The following B3GALT1 variants were observed in gnomAD, a reference collection of about 807,000 sequenced individuals.
The protein encoded by B3GALT1 is UDP-Gal:betaGlcNAc beta 1,3-galactosyltransferase, polypeptide 1.
Under a neutral mutation model 23.2 loss-of-function variants are expected in B3GALT1, and 10 were observed. The observed-to-expected ratio is 0.43, with a 90% confidence interval of 0.27 to 0.73. B3GALT1 has a LOEUF of 0.73. Ranked by LOEUF, B3GALT1 falls within the 30% of genes least tolerant of loss-of-function variation. B3GALT1 has a pLI of 0.21. For missense variants in B3GALT1, 299 were observed against 405.4 expected, an observed-to-expected ratio of 0.74 and a Z score of 2.25; for synonymous variants, 156 against 141.5, an observed-to-expected ratio of 1.10 and a Z score of -0.73.
chr2:167,312,443 C>T (rs1696645926), intron 1 of B3GALT1, among the ~76,000 whole-genome samples: 1 of 151,788 alleles, frequency 6.6e-6, no homozygotes, highest in Non-Finnish European at 1.5e-5. Flanking sequence ...TAGAGTAAAT[C>T]TAAGGGAGCA....
chr2:167,615,774 C>T (rs551107021), intron 2 of B3GALT1, among the ~76,000 whole-genome samples: 1 of 152,152 alleles, frequency 6.6e-6, no homozygotes, highest in East Asian at 1.9e-4. Context: ...TCATGCACTA[C>T]TCTAAGTGCT....
At chr2:167,771,930 A>G (rs779608581) in intron 3 of B3GALT1, among the ~76,000 whole-genome samples, 2 of 152,206 alleles carry the variant, frequency 1.3e-5, no homozygotes, top group African/African-American at 2.4e-5. Flanking sequence ...CAATAATGAA[A>G]TACAGACTGG....
intron 1 of B3GALT1, among the ~76,000 whole-genome samples, chr2:167,458,243 AGCAAAATGTTCTCAACTT>A (rs1282977718): frequency 2.0e-5 from 3 of 152,232 alleles, no homozygotes; most frequent in Non-Finnish European, 4.4e-5. Flanking sequence ...TATTTCATTT[AGCAAAATGTTCTCAACTT>A]TCATCTGTGT....
chr2:167,488,375 AAT>A (rs1260979341), intron 1 of B3GALT1, among the ~76,000 whole-genome samples: 1 of 152,226 alleles, frequency 6.6e-6, no homozygotes, highest in African/African-American at 2.4e-5. Context: ...TGTCTGTGAG[AAT>A]AAGGGCTGTG....
At chr2:167,718,301 C>G (rs1687182986) in intron 3 of B3GALT1, among the ~76,000 whole-genome samples, 1 of 151,978 alleles carries the variant, frequency 6.6e-6, no homozygotes, top group Non-Finnish European at 1.5e-5. Flanking sequence ...AAAAAATCCC[C>G]AATTTCAAAC....
chr2:167,614,005 G>A (rs1203272446), intron 2 of B3GALT1, among the ~76,000 whole-genome samples: 3 of 151,442 alleles, frequency 2.0e-5, no homozygotes, highest in Admixed American at 6.6e-5. Flanking sequence ...AAGCTTCCAT[G>A]AACACTACTC....
Position 167,385,624 on chromosome 2 carries a change from G to A in B3GALT1, c.-511+92290G>A, listed in dbSNP as rs116714102. The stretch of plus-strand genomic sequence containing the variant: ...ATAACTTGCTGATCAGGCAGCTGAG[G>A]GGCAGAGGGTTTATGGAAGCTTCCA... On this transcript the variant is annotated intron_variant, in intron 1 of 4. Transcript: ENST00000392690. Among the ~76,000 whole-genome samples, 320 of 152,262 alleles carry A rather than the reference G, an allele frequency of 2.1e-3. 2 individuals carry two copies. Among genetic ancestry groups the A allele is most frequent in the Non-Finnish European group, 3.0e-3 (206 of 68,014 alleles).
chr2:167,705,340 T>G (rs567681400), intron 3 of B3GALT1, among the ~76,000 whole-genome samples: 2 of 152,256 alleles, frequency 1.3e-5, no homozygotes, highest in South Asian at 4.1e-4. Context: ...TGAAGAACTC[T>G]TCTTTTGCAT....
At chr2:167,694,799 C>CA (rs557886193) in intron 3 of B3GALT1, among the ~76,000 whole-genome samples, 19 of 152,168 alleles carry the variant, frequency 1.2e-4, no homozygotes, top group African/African-American at 4.1e-4. Context: ...GTGGTAATGG[C>CA]AAAAAAATTT....
chr2:167,464,602 G>T (rs1351017048), intron 1 of B3GALT1, among the ~76,000 whole-genome samples: 1 of 152,086 alleles, frequency 6.6e-6, no homozygotes, highest in African/African-American at 2.4e-5. Flanking sequence ...GATCATAGGG[G>T]GTTGATGTGA....
chr2:167,813,910 G>T (rs1688939903), intron 3 of B3GALT1, among the ~76,000 whole-genome samples: 1 of 152,148 alleles, frequency 6.6e-6, no homozygotes, highest in Non-Finnish European at 1.5e-5. Flanking sequence ...AAAATAGCTG[G>T]AGTGATTTTA....
intron 1 of B3GALT1, among the ~76,000 whole-genome samples, chr2:167,330,016 C>G (rs1360269055): frequency 6.6e-6 from 1 of 152,040 alleles, no homozygotes; most frequent in East Asian, 1.9e-4. Context: ...TGCCTTGTAT[C>G]TGTTTGGACA....
intron 1 of B3GALT1, among the ~76,000 whole-genome samples, chr2:167,370,474 T>C (rs942650449): frequency 5.3e-5 from 8 of 152,196 alleles, no homozygotes; most frequent in African/African-American, 1.9e-4. Context: ...TGATACAGCC[T>C]TGCCCTCCAA....
intron 1 of B3GALT1, among the ~76,000 whole-genome samples, chr2:167,443,245 G>A (rs1263021033): frequency 6.6e-6 from 1 of 151,894 alleles, no homozygotes; most frequent in Admixed American, 6.6e-5. Flanking sequence ...TCTCTGTTTT[G>A]GTACCAGTAC....
At chr2:167,514,356 G>T (rs932817782) in intron 2 of B3GALT1, among the ~76,000 whole-genome samples, 1 of 152,166 alleles carries the variant, frequency 6.6e-6, no homozygotes, top group African/African-American at 2.4e-5. Flanking sequence ...CAAAATCATT[G>T]CAGTTTTCTA....
chr2:167,805,180 T>G (rs1168979100), intron 3 of B3GALT1, among the ~76,000 whole-genome samples: 3 of 152,214 alleles, frequency 2.0e-5, no homozygotes, highest in Non-Finnish European at 4.4e-5. Flanking sequence ...GGCTGTTTGT[T>G]TTTTCCTTGT....
chr2:167,687,001 A>T (rs989166105), intron 3 of B3GALT1, among the ~76,000 whole-genome samples: 1 of 152,218 alleles, frequency 6.6e-6, no homozygotes, highest in Non-Finnish European at 1.5e-5. Context: ...GTCATACAAT[A>T]CTTTTCAATA....
At chr2:167,456,149 T>C (rs1699170860) in intron 1 of B3GALT1, among the ~76,000 whole-genome samples, 2 of 152,200 alleles carry the variant, frequency 1.3e-5, no homozygotes, top group Non-Finnish European at 2.9e-5. Flanking sequence ...CACCAGCATC[T>C]GCTTCTGGTG....
intron 4 of B3GALT1, among the ~76,000 whole-genome samples, chr2:167,855,749 A>G (rs1276356442): frequency 6.6e-6 from 1 of 152,070 alleles, no homozygotes; most frequent in Non-Finnish European, 1.5e-5. Flanking sequence ...TTCACGACTG[A>G]CCTGTTTTCA....
Sources: gnomAD v4.1 joint callset for allele counts (sites outside exome capture counted in the v4.1 genomes callset) on GRCh38, gnomAD v4.1.1 for gene constraint, MANE v1.5 for transcripts, NCBI Gene and HGNC (gene_info 2026-07-23, HGNC 2026-07-21) for gene names.